Variants in NOP2 observed in about 807,000 individuals in gnomAD.
NOP2 encodes 28S rRNA (cytosine(4447)-C(5))-methyltransferase.
Under a neutral mutation model 72.7 loss-of-function variants are expected in NOP2, and 7 were observed. The observed-to-expected ratio is 0.10, with a 90% CI of 0.05 to 0.18. The LOEUF (loss-of-function observed/expected upper bound fraction) is 0.18. NOP2 is among the 10% of genes least tolerant of loss of function. The pLI, the probability that NOP2 is intolerant of heterozygous loss-of-function variation, is 1.00. For synonymous variants in NOP2, 387 were observed against 388.0 expected (o/e 1.00, Z 0.03); for missense variants, 954 against 1,014.7 (o/e 0.94, Z 0.81).
Position 6,557,077 on chromosome 12 carries a change from C to G in NOP2, c.2355G>C (p.Val785=), listed in dbSNP as rs746460842. The G allele has an allele frequency of 4.3e-6, 7 of 1,613,978 alleles. No individual in the cohort carries two copies. The highest frequency in any genetic ancestry group is 1.6e-4 in the Middle Eastern group (1 of 6,062). ...GGGGGCGGCTGGAACGGATGGGAGACACAGTGGGAGGCTGAGGCCCCTTGG... is the reference window on the plus strand; with the variant it reads ...GGGGGCGGCTGGAACGGATGGGAGAGACAGTGGGAGGCTGAGGCCCCTTGG... ...DTPKGPQPPT[V]SPIRSSRPPP... Residue 785 remains valine (V), a synonymous_variant, in exon 16 of 16, where the codon GTG becomes GTC. Transcript: ENST00000322166.
rs1451714700 is a variant in NOP2 at position 6,561,152 on chromosome 12, CAT to C, written c.1208-84_1208-83del. 11 of 1,552,214 alleles carry C rather than the reference CAT, an allele frequency of 7.1e-6. No homozygotes were observed. In the South Asian group the frequency reaches 7.2e-5, roughly 10 times the overall value. On this transcript the variant is annotated intron_variant, in intron 11 of 15. Coordinates refer to ENST00000322166, the MANE Select transcript of NOP2 (RefSeq NM_001258308.2). ...TCCCACCCTCCTGTCCAGGAATCCA[CAT>C]GAGAAGTGTCATCACCTCAAGGCAA...
chr12:6,560,496 G>A lies in NOP2; in HGVS notation c.1511C>T (p.Ala504Val), dbSNP rs1432601807. 7 of 1,605,386 alleles carry A rather than the reference G, an allele frequency of 4.4e-6. No homozygotes were observed. Among genetic ancestry groups the A allele is most frequent in the Non-Finnish European group, 6.0e-6 (7 of 1,174,838 alleles). The change falls in exon 14 of 16, where the codon GCG becomes GTG. Residue 504 changes from alanine to valine, a missense_variant. Physicochemically the swap from Ala to Val is moderately conservative, Grantham distance 64 (BLOSUM62 0). Around this residue, in one of 3 missense-constraint regions of NOP2, gnomAD observed 187 missense variants for 276.2 expected, o/e 0.68. Coordinates refer to ENST00000322166, the MANE Select transcript of NOP2 (RefSeq NM_001258308.2). This position sits in a 1 kb window ranked among gnomAD's most constrained non-coding sequence, Gnocchi z 5.0. ...LLLSAIDSVN[A>V]TSKTGGYLVY... ...CAGGTAGCCTCCTGTCTTGGAGGTCGCATTGACAGAGTCAATAGCACTCAG... is the reference window on the plus strand; with the variant it reads ...CAGGTAGCCTCCTGTCTTGGAGGTCACATTGACAGAGTCAATAGCACTCAG...
In NOP2 at chr12:6,566,116, C is replaced by T. The variant is rs780840944; in HGVS notation, c.459G>A (p.Glu153=). The change falls in exon 5 of 16, where the codon GAG becomes GAA. Residue 153 remains glutamate, a synonymous_variant. Coordinates refer to ENST00000322166, the MANE Select transcript of NOP2 (RefSeq NM_001258308.2). ...DYGADSNSED[E]EEGEALLPIE... ...TGAATCTCACCGCTTCACCTTCCTC[C>T]TCATCCTCAGAGTTGGAGTCAGCTC... The T allele has an allele frequency of 1.2e-6, 2 of 1,613,418 alleles. No homozygotes were observed. The highest frequency in any genetic ancestry group is 8.5e-7 in the Non-Finnish European group (1 of 1,179,584).
chr12:6,562,964 C>A lies in NOP2; in HGVS notation c.978+117G>T, dbSNP rs559651643. ...CATCAGGCCTCTGGGTTTGCCCCCC[C>A]AGGATCATGCTTAGGTCCTAAGGCC... On this transcript the variant is annotated intron_variant, in intron 9 of 15. Coordinates refer to ENST00000322166, the MANE Select transcript of NOP2 (RefSeq NM_001258308.2). 2.7e-4 allele frequency: 273 copies of A among 1,019,774 alleles called. No homozygotes were observed. The African/African-American group carries it at 4.0e-3, about 15-fold the overall frequency. The allele number at this position is 1,019,774 out of a possible 1,614,324, so 63.2% of individuals were successfully genotyped here.
chr12:6,556,917 A>G lies in NOP2; in HGVS notation c.*76T>C, dbSNP rs1358712603. ...TAAATTTCATGGGTATGCACAGTAG[A>G]GAAGGCATCCTCACAGAGGCAAGAG... On this transcript the variant is annotated 3_prime_UTR_variant, in exon 16 of 16. Coordinates refer to ENST00000322166, the MANE Select transcript of NOP2 (RefSeq NM_001258308.2). 28 of 1,536,356 alleles carry G rather than the reference A, an allele frequency of 1.8e-5. No homozygotes were observed. In the Admixed American group the frequency reaches 5.5e-4, roughly 30 times the overall value.
In NOP2 at chr12:6,564,019, C is replaced by T. The variant is rs553197223; in HGVS notation, c.475-73G>A. 3,761 of 1,557,630 alleles carry T rather than the reference C, an allele frequency of 2.4e-3. 25 individuals are homozygous for T. The highest frequency in any genetic ancestry group is 0.014 in the Middle Eastern group (66 of 4,600). Reference sequence around the variant, plus strand: ...CCTTGTAGCAGTTCTATCTCTATATCTTATTTTTTCGCTAAATAAAAATCC... The same window carrying T: ...CCTTGTAGCAGTTCTATCTCTATATTTTATTTTTTCGCTAAATAAAAATCC... On this transcript the variant is annotated intron_variant, in intron 5 of 15. Coordinates refer to ENST00000322166, the MANE Select transcript of NOP2 (RefSeq NM_001258308.2).
rs895450514 is a variant in NOP2 at position 6,556,901 on chromosome 12, T to C, written c.*92A>G. The C allele has an allele frequency of 1.3e-5, 18 of 1,401,414 alleles. No homozygotes were observed. The highest frequency in any genetic ancestry group is 1.8e-5 in the Non-Finnish European group (18 of 1,023,260). 86.8% of individuals were successfully genotyped at this position (1,401,414 alleles called of 1,614,324 possible). A position where few individuals can be genotyped will look rare whatever the true frequency, so the allele number is the denominator to read the frequency against. ...GTTTTAAAATGTGTATTAAATTTCATGGGTATGCACAGTAGAGAAGGCATC... is the reference window on the plus strand; with the variant it reads ...GTTTTAAAATGTGTATTAAATTTCACGGGTATGCACAGTAGAGAAGGCATC... On this transcript the variant is annotated 3_prime_UTR_variant, in exon 16 of 16. Transcript: ENST00000322166.
In NOP2 at chr12:6,561,967, A is replaced by T; in HGVS notation, c.983T>A (p.Leu328Gln). ...KTRRRDLAQA[L>Q]INRGVNLDPL... The stretch of plus-strand genomic sequence containing the variant: ...ATCCAGGTTAACCCCACGATTGATT[A>T]GAGCCTGAAAAGGGATGAAGATTTT... Residue 328 changes from leucine to glutamine, a missense_variant, in exon 10 of 16, where the codon CTA (leucine) becomes CAA (glutamine). Leu to Gln is a moderately radical substitution (Grantham distance 113). This residue lies in a region of NOP2 where 498 missense variants were observed against 478.3 expected (regional missense o/e 1.04). Transcript: ENST00000322166. 3.1e-6 allele frequency: 5 copies of T among 1,595,564 alleles called. No homozygotes were observed. Among genetic ancestry groups the T allele is most frequent in the Non-Finnish European group, 3.4e-6 (4 of 1,165,906 alleles).
chr12:6,563,028 G>A, intron 9 of NOP2, 53 bp downstream of exon 9: 2 of 1,485,610 alleles, frequency 1.3e-6, no homozygotes, highest in Non-Finnish European at 1.8e-6. Flanking sequence ...CTCTGGAGTT[G>A]GCAGAAGTCA....
At chr12:6,566,971 C>A (rs1261669905) in intron 2 of NOP2, 149 bp from the exon 3 acceptor site, 2 of 670,742 alleles carry the variant, frequency 3.0e-6, no homozygotes, top group Non-Finnish European at 5.0e-6. Context: ...TAACTGTATA[C>A]AAGTTTCTTT....
At chr12:6,561,617 A>G (rs1947651921) in intron 11 of NOP2, 47 bp downstream of exon 11, 8 of 1,602,440 alleles carry the variant, frequency 5.0e-6, no homozygotes, top group Non-Finnish European at 6.8e-6. Context: ...ATCTACTTTC[A>G]AAAGCAAGAC....
At position 6,561,874 on chromosome 12, in the gene NOP2, G is replaced by T. The variant is rs1429174742; in HGVS notation, c.1066+10C>A. ...AGAGGTAGAAGGGCTCTTGGGTGGGGGAGACTTACCAATGGGCACAGAAGA... is the reference window on the plus strand; with the variant it reads ...AGAGGTAGAAGGGCTCTTGGGTGGGTGAGACTTACCAATGGGCACAGAAGA... On this transcript the variant is annotated intron_variant, in intron 10 of 15. Transcript: ENST00000322166. The T allele has an allele frequency of 6.2e-7, 1 of 1,610,054 alleles. No homozygotes were observed. Among genetic ancestry groups the T allele is most frequent in the Admixed American group, 1.7e-5 (1 of 59,408 alleles).
chr12:6,563,605 C>A lies in NOP2; in HGVS notation c.688+9G>T, dbSNP rs780278752. On this transcript the variant is annotated intron_variant, in intron 7 of 15. Transcript: ENST00000322166. Reference sequence around the variant, plus strand: ...CCTCCTAACTCTTCACTCTGCCCTGCAAGGATATCCTGCTCCATCTCCCCA... The same window carrying A: ...CCTCCTAACTCTTCACTCTGCCCTGAAAGGATATCCTGCTCCATCTCCCCA... The A allele has an allele frequency of 1.9e-6, 3 of 1,609,782 alleles. No individual in the cohort carries two copies. The Admixed American group carries it at 5.0e-5, about 27-fold the overall frequency.
chr12:6,567,310 T>C (rs1947807442), intron 2 of NOP2, among the ~76,000 whole-genome samples: 1 of 152,156 alleles, frequency 6.6e-6, no homozygotes, highest in Non-Finnish European at 1.5e-5. Flanking sequence ...CTTCCTACTA[T>C]CTCAATAAAC....
chr12:6,563,748 G>C lies in NOP2; in HGVS notation c.554C>G (p.Thr185Ser), dbSNP rs760201896. 1.2e-6 allele frequency: 2 copies of C among 1,613,170 alleles called. No individual in the cohort carries two copies. The highest frequency in any genetic ancestry group is 1.7e-6 in the Non-Finnish European group (2 of 1,179,562). Residue 185 changes from threonine to serine, a missense_variant, in exon 7 of 16, where the codon ACC becomes AGC. Thr to Ser is a moderately conservative substitution (Grantham distance 58). Coordinates refer to ENST00000322166, the MANE Select transcript of NOP2 (RefSeq NM_001258308.2). ...TTCTTTCTCTTCCTCCTCGTCCTCGGTCTCCTCTTCACTCCACTGGATCCT... is the reference window on the plus strand; with the variant it reads ...TTCTTTCTCTTCCTCCTCGTCCTCGCTCTCCTCTTCACTCCACTGGATCCT... The part of the protein sequence containing the change: ...AAGIQWSEEE[T>S]EDEEEEKEVT...
At chr12:6,561,850 G>A in intron 10 of NOP2, 34 bp downstream of exon 10, 1 of 1,609,676 alleles carries the variant, frequency 6.2e-7, no homozygotes, top group Non-Finnish European at 8.5e-7. Flanking sequence ...GACAGGGACA[G>A]AGGTAGAAGG....
Position 6,560,531 on chromosome 12 carries a change from C to T in NOP2, c.1476G>A (p.Lys492=). The T allele has an allele frequency of 6.2e-7, 1 of 1,604,162 alleles. No individual in the cohort carries two copies. Among genetic ancestry groups the T allele is most frequent in the Non-Finnish European group, 8.5e-7 (1 of 1,174,242 alleles). ...KDILRCAHLQ[K]ELLLSAIDSV... The stretch of plus-strand genomic sequence containing the variant: ...AGTCAATAGCACTCAGGAGCAACTC[C>T]TTCTGGAGGTGAGCACAGCGCAGGA... Residue 492 remains lysine (K), a synonymous_variant, in exon 14 of 16, where the codon AAG becomes AAA. Coordinates refer to ENST00000322166, the MANE Select transcript of NOP2 (RefSeq NM_001258308.2). The surrounding 1 kb of genome is among the most constrained non-coding windows in gnomAD (Gnocchi z 5.0).
Position 6,566,286 on chromosome 12 carries a change from G to C in NOP2, c.289C>G (p.Leu97Val), listed in dbSNP as rs374049119. 2 of 1,613,802 alleles carry C rather than the reference G, an allele frequency of 1.2e-6. No individual in the cohort carries two copies. The highest frequency in any genetic ancestry group is 1.7e-6 in the Non-Finnish European group (2 of 1,179,904). The change falls in exon 5 of 16, where the codon CTA becomes GTA. Residue 97 changes from leucine to valine, a missense_variant. Around this residue, in one of 3 missense-constraint regions of NOP2, gnomAD observed 498 missense variants for 478.3 expected, o/e 1.04. Transcript: ENST00000322166. ...QTAGKKGPQS[L>V]FNAPRGKKRP... ...TTCTTGCCTCGAGGAGCATTAAATA[G>C]GGACTGGGGTCCCTTCTTACCAGCT...
intron 11 of NOP2, 135 bp from the exon 12 acceptor site, chr12:6,561,205 T>C: frequency 1.9e-6 from 2 of 1,034,900 alleles, no homozygotes; most frequent in East Asian, 5.2e-5. Context: ...GCCTGCCTAC[T>C]GTATAGGCTG....
Sources: allele counts gnomAD v4.1 joint callset (sites outside exome capture counted in the v4.1 genomes callset), GRCh38; gene constraint gnomAD v4.1.1; regional missense constraint gnomAD v4.1.1; non-coding constraint Gnocchi (gnomAD v3.1); transcripts MANE v1.5; gene names NCBI Gene and HGNC (gene_info 2026-07-23, HGNC 2026-07-21).